SPON1: variants seen among roughly 807,000 people sequenced by gnomAD.
SPON1 encodes spondin 1.
In SPON1, 52 loss-of-function variants were observed where a neutral mutation model predicts 111.7. That is an observed-to-expected ratio of 0.47 (90% CI 0.37 to 0.59). The LOEUF (loss-of-function observed/expected upper bound fraction) is 0.59. Ranked by LOEUF, SPON1 falls within the 20% of genes least tolerant of loss-of-function variation. The pLI, the probability that SPON1 is intolerant of heterozygous loss-of-function variation, is 0.00. For synonymous variants in SPON1, 410 were observed against 395.8 expected (o/e 1.04, Z -0.43); for missense variants, 957 against 1,068.5 (o/e 0.90, Z 1.46).
At chr11:14,162,157 C>A (rs1222659919) in intron 6 of SPON1, among the ~76,000 whole-genome samples, 2,076 of 110,688 alleles carry the variant, frequency 0.019, no homozygotes, top group Non-Finnish European at 0.023. Context: ...GACTCTGTCT[C>A]AAAAAAAAAA....
At chr11:14,160,845 ATATATT>A (rs1564919590) in intron 6 of SPON1, among the ~76,000 whole-genome samples, 11 of 44,706 alleles carry the variant, frequency 2.5e-4, no homozygotes, top group Non-Finnish European at 2.7e-4. Flanking sequence ...TTATATATTT[ATATATT>A]TATATATATT....
At chr11:14,197,286 T>C (rs1465578307) in intron 6 of SPON1, among the ~76,000 whole-genome samples, 4 of 152,166 alleles carry the variant, frequency 2.6e-5, no homozygotes, top group African/African-American at 9.7e-5. Context: ...GTTAACACTC[T>C]GGCATTTCAG....
intron 5 of SPON1, among the ~76,000 whole-genome samples, chr11:14,099,302 A>G (rs1217909300): frequency 6.6e-6 from 1 of 152,232 alleles, no homozygotes; most frequent in Non-Finnish European, 1.5e-5. Context: ...TTATTAAATA[A>G]TGCTACTGTT....
At chr11:14,223,566 G>T (rs143997853) in intron 6 of SPON1, among the ~76,000 whole-genome samples, 1 of 152,194 alleles carries the variant, frequency 6.6e-6, no homozygotes, top group African/African-American at 2.4e-5. Flanking sequence ...AATGTCATTC[G>T]GTTCTGTCGG....
At chr11:14,035,561 G>C (rs1447991672) in intron 2 of SPON1, among the ~76,000 whole-genome samples, 3 of 150,964 alleles carry the variant, frequency 2.0e-5, no homozygotes, top group African/African-American at 4.9e-5. Flanking sequence ...TTGTGGCCAA[G>C]TCATATAGCC....
intron 6 of SPON1, among the ~76,000 whole-genome samples, chr11:14,208,358 TAAAA>T (rs565195037): frequency 6.8e-6 from 1 of 147,240 alleles, no homozygotes; most frequent in East Asian, 2.0e-4. Context: ...ACTTAAAAGT[TAAAA>T]AAAAAAAGTT....
At chr11:14,108,411 T>C (rs1281896064) in intron 5 of SPON1, among the ~76,000 whole-genome samples, 1 of 152,192 alleles carries the variant, frequency 6.6e-6, no homozygotes, top group Non-Finnish European at 1.5e-5. Context: ...TCTCATCTGA[T>C]TGGCTTCCAT....
intron 2 of SPON1, among the ~76,000 whole-genome samples, chr11:14,028,380 A>T (rs1848534492): frequency 6.6e-6 from 1 of 151,828 alleles, no homozygotes; most frequent in Non-Finnish European, 1.5e-5. Flanking sequence ...TAGCTACTAG[A>T]TAGGATTGCT....
intron 6 of SPON1, among the ~76,000 whole-genome samples, chr11:14,231,972 C>CGTGT (rs10650808): frequency 0.26 from 39,358 of 149,342 alleles, 5,293 homozygotes; most frequent in Admixed American, 0.36. Flanking sequence ...CCTCCTACGC[C>CGTGT]GTGTGTGTGT....
intron 6 of SPON1, among the ~76,000 whole-genome samples, chr11:14,169,473 C>G (rs538498869): frequency 2.0e-5 from 3 of 151,764 alleles, no homozygotes; most frequent in Non-Finnish European, 4.4e-5. Context: ...ATGGTAGTTT[C>G]TTTTGCTCTG....
At chr11:14,096,279 T>C (rs1447992822) in intron 5 of SPON1, among the ~76,000 whole-genome samples, 2 of 152,192 alleles carry the variant, frequency 1.3e-5, no homozygotes, top group Admixed American at 1.3e-4. Context: ...ATCTCTGTTG[T>C]TTCCCCAAAT....
chr11:14,104,180 T>C (rs1262185740), intron 5 of SPON1, among the ~76,000 whole-genome samples: 1 of 152,098 alleles, frequency 6.6e-6, no homozygotes, highest in African/African-American at 2.4e-5. Context: ...CCCAGTAAAT[T>C]ATTGCATTAT....
intron 6 of SPON1, among the ~76,000 whole-genome samples, chr11:14,176,839 G>A (rs1306767942): frequency 1.3e-5 from 2 of 152,132 alleles, no homozygotes; most frequent in African/African-American, 4.8e-5. Context: ...AGCCACAAGG[G>A]CAATCCCAGA....
chr11:14,058,857 C>A (rs532627779), intron 3 of SPON1, among the ~76,000 whole-genome samples: 3 of 152,294 alleles, frequency 2.0e-5, no homozygotes, highest in Admixed American at 6.5e-5. Context: ...CATGATATAG[C>A]TCATAAGTAG....
chr11:14,260,509 G>T (rs1235902361), intron 13 of SPON1, 79 bp from the exon 14 acceptor site: 1 of 1,490,902 alleles, frequency 6.7e-7, no homozygotes, highest in African/African-American at 1.4e-5. Flanking sequence ...GGGACTCGGT[G>T]TGGAACACTG....
intron 2 of SPON1, among the ~76,000 whole-genome samples, chr11:14,026,274 A>G (rs1007029278): frequency 2.6e-4 from 40 of 152,230 alleles, no homozygotes; most frequent in Admixed American, 2.6e-3. Context: ...TGATAACCAC[A>G]TTGGATGTGT....
At chr11:14,180,409 C>T (rs1247477307) in intron 6 of SPON1, among the ~76,000 whole-genome samples, 5 of 152,212 alleles carry the variant, frequency 3.3e-5, no homozygotes, top group Non-Finnish European at 7.3e-5. Context: ...GAACTTCCTC[C>T]GCAGATATTT....
Position 14,089,283 on chromosome 11 carries a change from C to T in SPON1, c.676+9262C>T, listed in dbSNP as rs187937392. 4.7e-4 allele frequency among the ~76,000 whole-genome samples: 71 copies of T among 152,240 alleles called. No homozygotes were observed. In the Middle Eastern group the frequency reaches 0.017, roughly 36 times the overall value. On this transcript the variant is annotated intron_variant, in intron 5 of 15. Coordinates refer to ENST00000576479, the MANE Select transcript of SPON1 (RefSeq NM_006108.4). ...CTTCATGGATTTATCTACCTTTGATCTTGAGGCTGATGACCTTTGGATGGG... is the reference window on the plus strand; with the variant it reads ...CTTCATGGATTTATCTACCTTTGATTTTGAGGCTGATGACCTTTGGATGGG...
intron 2 of SPON1, among the ~76,000 whole-genome samples, chr11:13,997,169 G>A (rs1486673456): frequency 6.6e-6 from 1 of 152,180 alleles, no homozygotes; most frequent in African/African-American, 2.4e-5. Context: ...TCTGGAGGCA[G>A]CCGTTTGGGT....
Sources: gnomAD v4.1 joint callset for allele counts (sites outside exome capture counted in the v4.1 genomes callset) on GRCh38, gnomAD v4.1.1 for gene constraint, MANE v1.5 for transcripts, NCBI Gene and HGNC (gene_info 2026-07-23, HGNC 2026-07-21) for gene names.